The following TRHDE variants were observed in gnomAD, a reference collection of about 807,000 sequenced individuals.
TRHDE encodes thyrotropin-releasing hormone-degrading ectoenzyme.
A neutral mutation model predicts 125.7 loss-of-function variants in TRHDE; 72 were observed. That is an observed-to-expected ratio of 0.57 (90% CI 0.47 to 0.70). The LOEUF (loss-of-function observed/expected upper bound fraction) is 0.70. Among genes scored for constraint, TRHDE ranks in the 30% least tolerant of loss-of-function variants. The pLI is 0.00. For synonymous variants in TRHDE, 509 were observed against 509.1 expected, an observed-to-expected ratio of 1.00 and a Z score of 0.00; for missense variants, 1,110 against 1,327.1, an observed-to-expected ratio of 0.84 and a Z score of 2.54.
chr12:72,156,289 C>T (rs915094901), intron 2 of TRHDE, among the ~76,000 whole-genome samples: 1 of 152,206 alleles, frequency 6.6e-6, no homozygotes, highest in African/African-American at 2.4e-5. Flanking sequence ...CAGGTGACAT[C>T]TGTCACCCCT....
chr12:72,489,230 A>G (rs1222528878), intron 5 of TRHDE, among the ~76,000 whole-genome samples: 1 of 151,590 alleles, frequency 6.6e-6, no homozygotes, highest in African/African-American at 2.4e-5. Flanking sequence ...TTGAAAAAAA[A>G]AATACAAAAT....
intron 18 of TRHDE, among the ~76,000 whole-genome samples, chr12:72,659,048 C>A (rs2136115128): frequency 6.6e-6 from 1 of 152,266 alleles, no homozygotes; most frequent in South Asian, 2.1e-4. Context: ...CAATGGGCTC[C>A]CTTTGGATAT....
intron 2 of TRHDE, chr12:72,105,856 G>T (rs1380043002): frequency 1.3e-5 from 2 of 152,148 alleles, no homozygotes; most frequent in South Asian, 2.1e-4. Flanking sequence ...CCTGAATTTA[G>T]TAGAGCAGTT....
intron 2 of TRHDE, among the ~76,000 whole-genome samples, chr12:72,208,305 A>G (rs1283346175): frequency 1.3e-5 from 2 of 152,100 alleles, no homozygotes; most frequent in Admixed American, 1.3e-4. Flanking sequence ...CCTCATTTCA[A>G]CTTAAACAAA....
At chr12:72,495,280 T>C (rs1177584905) in intron 5 of TRHDE, among the ~76,000 whole-genome samples, 1 of 151,956 alleles carries the variant, frequency 6.6e-6, no homozygotes, top group Non-Finnish European at 1.5e-5. Context: ...CTGTCTCCTG[T>C]TTACATGCAT....
chr12:72,562,596 G>T (rs1870231792), intron 8 of TRHDE, among the ~76,000 whole-genome samples: 1 of 151,898 alleles, frequency 6.6e-6, no homozygotes, highest in Non-Finnish European at 1.5e-5. Flanking sequence ...ATGCTTCAGG[G>T]ATTTGCTTTA....
chr12:72,132,930 G>A (rs1875896043), intron 2 of TRHDE, among the ~76,000 whole-genome samples: 1 of 152,130 alleles, frequency 6.6e-6, no homozygotes, highest in African/African-American at 2.4e-5. Flanking sequence ...CAAGCACAGA[G>A]ATAGCATGTA....
chr12:72,307,879 G>A (rs1772533215), intron 2 of TRHDE, among the ~76,000 whole-genome samples: 1 of 152,136 alleles, frequency 6.6e-6, no homozygotes, highest in Admixed American at 6.5e-5. Flanking sequence ...AGGCTTTAAG[G>A]ATGAATTTCG....
intron 6 of TRHDE, among the ~76,000 whole-genome samples, chr12:72,526,371 A>G (rs2135968867): frequency 6.6e-6 from 1 of 152,190 alleles, no homozygotes; most frequent in South Asian, 2.1e-4. Context: ...ACAATTGTTT[A>G]CTTTTTGTCA....
At chr12:72,412,813 T>G (rs777159248) in intron 3 of TRHDE, among the ~76,000 whole-genome samples, 8 of 152,070 alleles carry the variant, frequency 5.3e-5, no homozygotes, top group Non-Finnish European at 1.0e-4. Flanking sequence ...TGTAATTTCA[T>G]GTATATGAAA....
In TRHDE at chr12:72,669,067, G is replaced by A. The variant is rs764735315; in HGVS notation, c.*5872G>A. The A allele has an allele frequency of 9.2e-5, 14 of 151,814 alleles. No individual in the cohort carries two copies. The highest frequency in any genetic ancestry group is 3.4e-4 in the African/African-American group (14 of 41,480). The allele number at this position is 151,814 out of a possible 1,614,324, so 9.4% of individuals were successfully genotyped here. On this transcript the variant is annotated 3_prime_UTR_variant, in exon 19 of 19. Coordinates refer to ENST00000261180, the MANE Select transcript of TRHDE (RefSeq NM_013381.3). ...AAAACATTTTACATTAGCATGTTGTGTAGTGGGTTTTAAGTTATAACAGGT... is the reference window on the plus strand; with the variant it reads ...AAAACATTTTACATTAGCATGTTGTATAGTGGGTTTTAAGTTATAACAGGT...
intron 5 of TRHDE, among the ~76,000 whole-genome samples, chr12:72,477,766 G>T (rs961168775): frequency 2.6e-5 from 4 of 152,138 alleles, no homozygotes; most frequent in Non-Finnish European, 5.9e-5. Flanking sequence ...ATACTGCAAT[G>T]GAGAACTCCT....
intron 3 of TRHDE, among the ~76,000 whole-genome samples, chr12:72,457,379 C>A (rs886437887): frequency 2.6e-5 from 4 of 152,044 alleles, no homozygotes; most frequent in Non-Finnish European, 2.9e-5. Flanking sequence ...GCCCTCATTA[C>A]GCCAAGCACT....
At chr12:72,255,656 T>A (rs891866107) in intron 2 of TRHDE, 3 of 152,204 alleles carry the variant, frequency 2.0e-5, no homozygotes, top group Admixed American at 6.5e-5. Context: ...CAGTTCCTCT[T>A]TAACTTGAGA....
intron 15 of TRHDE, among the ~76,000 whole-genome samples, chr12:72,627,693 C>CT: frequency 6.6e-6 from 1 of 151,796 alleles, no homozygotes. Flanking sequence ...ACTTGACTTT[C>CT]TTTTTTTAAA....
chr12:72,561,117 CT>C (rs2136009257), intron 7 of TRHDE, among the ~76,000 whole-genome samples: 1 of 152,264 alleles, frequency 6.6e-6, no homozygotes, highest in South Asian at 2.1e-4. Context: ...CATTGCATCT[CT>C]AGGCATCTGA....
chr12:72,628,196 C>A (rs77518698), intron 15 of TRHDE, among the ~76,000 whole-genome samples: 1 of 151,742 alleles, frequency 6.6e-6, no homozygotes, highest in East Asian at 1.9e-4. Context: ...GCTAATCAGA[C>A]GTCAGATGTA....
chr12:72,128,686 G>C (rs1401677892), intron 2 of TRHDE, among the ~76,000 whole-genome samples: 1 of 152,182 alleles, frequency 6.6e-6, no homozygotes, highest in African/African-American at 2.4e-5. Flanking sequence ...CAGATGAAAA[G>C]ATTAGTGAAT....
chr12:72,317,224 A>G lies in TRHDE; in HGVS notation c.1188+30270A>G, dbSNP rs187596482. 4.1e-3 allele frequency among the ~76,000 whole-genome samples: 628 copies of G among 152,294 alleles called. 3 individuals are homozygous for G. The highest frequency in any genetic ancestry group is 6.8e-3 in the Non-Finnish European group (462 of 68,022). ...TTGACTTAAAATTCATAGTTTTTCT[A>G]CTGCATCCCCTTAAAGATGACCAAG... is the stretch of plus-strand genomic sequence containing the variant. On this transcript the variant is annotated intron_variant, in intron 2 of 18. Coordinates refer to ENST00000261180, the MANE Select transcript of TRHDE (RefSeq NM_013381.3).
Sources: allele counts gnomAD v4.1 joint callset (sites outside exome capture counted in the v4.1 genomes callset), GRCh38; gene constraint gnomAD v4.1.1; transcripts MANE v1.5; gene names NCBI Gene and HGNC (gene_info 2026-07-23, HGNC 2026-07-21).